ULK4: variants seen among roughly 807,000 people sequenced by gnomAD.
ULK4 encodes the protein inactive serine/threonine-protein kinase ULK4.
ULK4 carries 133 observed loss-of-function variants against 160.6 expected under a neutral mutation model. That is an observed-to-expected ratio of 0.83 (90% CI 0.72 to 0.96). The LOEUF is 0.96. Ranked by LOEUF, ULK4 falls within the 40% of genes least tolerant of loss-of-function variation. ULK4 has a pLI of 0.00. For missense variants in ULK4, 1,580 were observed against 1,499.5 expected, an observed-to-expected ratio of 1.05 and a Z score of -0.89; for synonymous variants, 534 against 539.8, an observed-to-expected ratio of 0.99 and a Z score of 0.15.
intron 22 of ULK4, among the ~76,000 whole-genome samples, chr3:41,719,682 G>A (rs889650556): frequency 1.3e-5 from 2 of 151,942 alleles, no homozygotes; most frequent in African/African-American, 4.8e-5. Context: ...TCCTTCTCCT[G>A]GACTATTACA....
At chr3:41,647,418 A>G (rs1404733759) in intron 30 of ULK4, among the ~76,000 whole-genome samples, 1 of 152,092 alleles carries the variant, frequency 6.6e-6, no homozygotes, top group Non-Finnish European at 1.5e-5. Context: ...AACAGACAGG[A>G]CCCTCAGCTG....
chr3:41,490,557 T>C (rs1329915663), intron 32 of ULK4, among the ~76,000 whole-genome samples: 3 of 152,226 alleles, frequency 2.0e-5, no homozygotes, highest in Non-Finnish European at 2.9e-5. Context: ...CATTCAATTT[T>C]GCAATATCAT....
chr3:41,337,891 G>A lies in ULK4; in HGVS notation c.3678+60188C>T, dbSNP rs928803622. The stretch of plus-strand genomic sequence containing the variant: ...CTTGAAGTTCTGCATCAGGGGATAG[G>A]CTGGTAAAGATGGACACTGAAAGCC... On this transcript the variant is annotated intron_variant, in intron 35 of 36. Coordinates refer to ENST00000301831, the MANE Select transcript of ULK4 (RefSeq NM_017886.4). Among the ~76,000 whole-genome samples, 41 of 152,154 alleles carry A rather than the reference G, an allele frequency of 2.7e-4. 1 individual carries two copies. The highest frequency in any genetic ancestry group is 2.4e-5 in the African/African-American group (1 of 41,434).
intron 3 of ULK4, 66 bp downstream of exon 3, chr3:41,938,032 C>A: frequency 7.9e-7 from 1 of 1,260,986 alleles, no homozygotes. Context: ...TCAAAAGTAA[C>A]AAAACTTAAC....
intron 31 of ULK4, among the ~76,000 whole-genome samples, chr3:41,596,994 C>T (rs2031738711): frequency 6.6e-6 from 1 of 152,144 alleles, no homozygotes; most frequent in African/African-American, 2.4e-5. Flanking sequence ...GATATAGGTG[C>T]CATCCCACCC....
intron 35 of ULK4, among the ~76,000 whole-genome samples, chr3:41,304,171 A>T (rs973897345): frequency 2.0e-5 from 3 of 150,770 alleles, no homozygotes; most frequent in African/African-American, 7.4e-5. Flanking sequence ...TACTTGAGAC[A>T]CTGAGGCAGG....
chr3:41,639,463 C>G (rs1167686795), intron 30 of ULK4, among the ~76,000 whole-genome samples: 1 of 152,140 alleles, frequency 6.6e-6, no homozygotes, highest in Non-Finnish European at 1.5e-5. Context: ...GTGGCTCACA[C>G]CTGTAAGTAA....
chr3:41,861,844 C>T (rs919223430), intron 17 of ULK4, among the ~76,000 whole-genome samples: 3 of 151,902 alleles, frequency 2.0e-5, no homozygotes, highest in African/African-American at 7.3e-5. Context: ...TTTTTTGAGA[C>T]AGGGTCTCAC....
intron 17 of ULK4, among the ~76,000 whole-genome samples, chr3:41,853,752 G>A (rs1254662408): frequency 6.6e-6 from 1 of 152,136 alleles, no homozygotes; most frequent in Non-Finnish European, 1.5e-5. Context: ...AAGAGATCAT[G>A]GACCATGGAC....
chr3:41,580,641 A>G lies in ULK4; in HGVS notation c.3121-14511T>C, dbSNP rs73830261. ...GAAACATGTTGTGTAAAACCATACG[A>G]GTGACAAGCCCTGTCCTTATAGCAA... On this transcript the variant is annotated intron_variant, in intron 31 of 36. Coordinates refer to ENST00000301831, the MANE Select transcript of ULK4 (RefSeq NM_017886.4). 3.3e-3 allele frequency among the ~76,000 whole-genome samples: 506 copies of G among 152,274 alleles called. 3 individuals are homozygous for G. Among genetic ancestry groups the G allele is most frequent in the African/African-American group, 0.012 (483 of 41,568 alleles).
At chr3:41,775,795 C>T (rs1387891917) in intron 21 of ULK4, among the ~76,000 whole-genome samples, 1 of 150,640 alleles carries the variant, frequency 6.6e-6, no homozygotes, top group Non-Finnish European at 1.5e-5. Flanking sequence ...TGCAGCTTGC[C>T]TTTTTTCACT....
At chr3:41,503,341 T>G (rs1489095339) in intron 32 of ULK4, among the ~76,000 whole-genome samples, 1 of 152,210 alleles carries the variant, frequency 6.6e-6, no homozygotes, top group Non-Finnish European at 1.5e-5. Context: ...AAGGTCTAAC[T>G]GGTGACCCCA....
At chr3:41,789,874 C>G in intron 20 of ULK4, 31 bp from the exon 21 acceptor site, 4 of 1,520,124 alleles carry the variant, frequency 2.6e-6, no homozygotes, top group Non-Finnish European at 3.5e-6. Flanking sequence ...ACCTGTCAGG[C>G]AACTCCAAGT....
At chr3:41,541,295 C>T (rs1283269785) in intron 32 of ULK4, among the ~76,000 whole-genome samples, 1 of 152,134 alleles carries the variant, frequency 6.6e-6, no homozygotes, top group African/African-American at 2.4e-5. Context: ...ATCCTTTCCC[C>T]ATTGCTTGTT....
intron 19 of ULK4, among the ~76,000 whole-genome samples, chr3:41,807,383 T>A (rs2040678831): frequency 6.6e-6 from 1 of 152,202 alleles, no homozygotes; most frequent in Non-Finnish European, 1.5e-5. Context: ...CTTGGTTTGT[T>A]ACAATATGCA....
At chr3:41,826,887 A>G (rs559389527) in intron 18 of ULK4, among the ~76,000 whole-genome samples, 1 of 143,882 alleles carries the variant, frequency 7.0e-6, no homozygotes, top group Non-Finnish European at 1.5e-5. Flanking sequence ...CACCTATTCC[A>G]AAAGTGACCA....
intron 17 of ULK4, among the ~76,000 whole-genome samples, chr3:41,845,588 ACT>A (rs2042052066): frequency 6.6e-6 from 1 of 151,920 alleles, no homozygotes; most frequent in Non-Finnish European, 1.5e-5. Flanking sequence ...CAGTGATGAA[ACT>A]CTTCTTTTCC....
At chr3:41,721,262 T>TG (rs2037446792) in intron 22 of ULK4, among the ~76,000 whole-genome samples, 1 of 103,780 alleles carries the variant, frequency 9.6e-6, no homozygotes, top group Admixed American at 9.9e-5. Context: ...TGAATTTTTT[T>TG]TTTTTTTTTT....
chr3:41,537,926 T>TA, intron 32 of ULK4, among the ~76,000 whole-genome samples: 1 of 151,748 alleles, frequency 6.6e-6, no homozygotes, highest in South Asian at 2.1e-4. Flanking sequence ...TTGTGGCATT[T>TA]TTTTTTTTTT....
Sources: allele counts gnomAD v4.1 joint callset (sites outside exome capture counted in the v4.1 genomes callset), GRCh38; gene constraint gnomAD v4.1.1; transcripts MANE v1.5; gene names NCBI Gene and HGNC (gene_info 2026-07-23, HGNC 2026-07-21).